RBM45: variants seen among roughly 807,000 people sequenced by gnomAD.
RBM45 encodes the protein RNA binding motif protein 45.
Under a neutral mutation model 58.5 loss-of-function variants are expected in RBM45, and 39 were observed. The observed-to-expected ratio is 0.67, with a 90% confidence interval of 0.52 to 0.87. The LOEUF is 0.87. Among genes scored for constraint, RBM45 ranks in the 40% least tolerant of loss-of-function variants. RBM45 has a pLI of 0.00. For synonymous variants in RBM45, 193 were observed against 203.0 expected, an observed-to-expected ratio of 0.95 and a Z score of 0.42; for missense variants, 481 against 581.6, an observed-to-expected ratio of 0.83 and a Z score of 1.78.
chr2:178,113,659 A>G (rs1442721173), intron 1 of RBM45, among the ~76,000 whole-genome samples: 1 of 152,184 alleles, frequency 6.6e-6, no homozygotes, highest in Non-Finnish European at 1.5e-5. Flanking sequence ...ACACAGGGTA[A>G]GCCCTCAATA....
chr2:178,134,061 C>T (rs534901151), downstream of RBM45, among the ~76,000 whole-genome samples: 7 of 152,240 alleles, frequency 4.6e-5, no homozygotes, highest in South Asian at 2.1e-4. Flanking sequence ...TTACGAGGCC[C>T]TGTGAAAATT....
At position 178,120,364 on chromosome 2, in the gene RBM45, C is replaced by A. The variant is rs778965916; in HGVS notation, c.628C>A (p.Gln210Lys). 1 of 1,613,018 alleles carries A rather than the reference C, an allele frequency of 6.2e-7. No individual in the cohort carries two copies. The highest frequency in any genetic ancestry group is 8.5e-7 in the Non-Finnish European group (1 of 1,179,430). Residue 210 changes from glutamine to lysine, a missense_variant, in exon 4 of 10, where the codon CAA becomes AAA. Transcript: ENST00000286070. Reference protein sequence around the residue: ...SEQDYYSNMRQEALGHEPRVN... With the variant: ...SEQDYYSNMRKEALGHEPRVN... ...ACAAGATTATTATAGTAATATGAGG[C>A]AAGAAGCTTTGGGACATGAACCTAG... is the stretch of plus-strand genomic sequence containing the variant.
downstream of RBM45, among the ~76,000 whole-genome samples, chr2:178,132,774 G>C (rs1036557544): frequency 1.3e-5 from 2 of 152,130 alleles, no homozygotes; most frequent in Non-Finnish European, 2.9e-5. Context: ...ATTTTTAGTA[G>C]AGACAGTTTC....
rs775417979 is a variant in RBM45, at chr2:178,120,380, A to G, written c.644A>G (p.His215Arg). ...AATATGAGGCAAGAAGCTTTGGGAC[A>G]TGAACCTAGAGTAAATATGTTTCCA... The part of the protein sequence containing the change: ...YSNMRQEALG[H>R]EPRVNMFPFE... The change falls in exon 4 of 10, where the codon CAT becomes CGT. Residue 215 changes from histidine (H) to arginine (R), a missense_variant. Coordinates refer to ENST00000286070, the MANE Select transcript of RBM45 (RefSeq NM_152945.4). 7 of 1,612,918 alleles carry G rather than the reference A, an allele frequency of 4.3e-6. No homozygotes were observed. The highest frequency in any genetic ancestry group is 5.1e-6 in the Non-Finnish European group (6 of 1,179,448).
In RBM45 at chr2:178,126,051, G is replaced by T; in HGVS notation, c.1300G>T (p.Asp434Tyr). ...AAATGTGGGGTATGCCAAGTATGCCGATAGAATAAGTGCTAATGATGCCAT... is the reference window on the plus strand; with the variant it reads ...AAATGTGGGGTATGCCAAGTATGCCTATAGAATAAGTGCTAATGATGCCAT... ...GKNVGYAKYA[D>Y]RISANDAIAT... Residue 434 changes from aspartate (D) to tyrosine (Y), a missense_variant, in exon 9 of 10, where the codon GAT becomes TAT. Transcript: ENST00000286070. 1.9e-6 allele frequency: 3 copies of T among 1,613,848 alleles called. No homozygotes were observed. Among genetic ancestry groups the T allele is most frequent in the Non-Finnish European group, 2.5e-6 (3 of 1,179,782 alleles).
rs1170439254 is a variant in RBM45, at chr2:178,129,523, T to G, written c.*135T>G. On this transcript the variant is annotated 3_prime_UTR_variant, in exon 10 of 10. Coordinates refer to ENST00000286070, the MANE Select transcript of RBM45 (RefSeq NM_152945.4). ...CTGATAGTCTGTGTACAGCATTGTTTTGTCTGGGAAGCAGGGATTGCTGAC... is the reference window on the plus strand; with the variant it reads ...CTGATAGTCTGTGTACAGCATTGTTGTGTCTGGGAAGCAGGGATTGCTGAC... The G allele has an allele frequency of 6.5e-6, 1 of 152,678 alleles. No homozygotes were observed. Among genetic ancestry groups the G allele is most frequent in the African/African-American group, 2.4e-5 (1 of 41,462 alleles). 9.5% of individuals were successfully genotyped at this position (152,678 alleles called of 1,614,324 possible). A position where few individuals can be genotyped will look rare whatever the true frequency, so the allele number is the denominator to read the frequency against.
At position 178,112,879 on chromosome 2, in the gene RBM45, G is replaced by A. The variant is rs764101614; in HGVS notation, c.300+33G>A. 3.8e-6 allele frequency: 6 copies of A among 1,590,456 alleles called. No individual in the cohort carries two copies. In the South Asian group the frequency reaches 4.5e-5, roughly 12 times the overall value. ...TGCCCGGGTCGGGGTGCCCTCGGGG[G>A]AAGGAGTGGGCCTCTTGGACCTCCC... On this transcript the variant is annotated intron_variant, in intron 1 of 9. Coordinates refer to ENST00000286070, the MANE Select transcript of RBM45 (RefSeq NM_152945.4).
At chr2:178,115,851 C>G (rs554410365) in intron 1 of RBM45, among the ~76,000 whole-genome samples, 1 of 152,152 alleles carries the variant, frequency 6.6e-6, no homozygotes, top group Non-Finnish European at 1.5e-5. Flanking sequence ...GGTATTATCT[C>G]ATAAAAAAAA....
At chr2:178,128,216 C>A (rs1003492902) in intron 9 of RBM45, among the ~76,000 whole-genome samples, 2 of 151,642 alleles carry the variant, frequency 1.3e-5, no homozygotes, top group African/African-American at 4.8e-5. Context: ...CCCAGGCTGG[C>A]CTTGAACTCC....
intron 1 of RBM45, among the ~76,000 whole-genome samples, chr2:178,114,461 C>G (rs2087744668): frequency 6.6e-6 from 1 of 152,154 alleles, no homozygotes; most frequent in Non-Finnish European, 1.5e-5. Flanking sequence ...CTTTTAGCCT[C>G]AGAGAAATTA....
intron 3 of RBM45, 41 bp downstream of exon 3, chr2:178,118,222 A>C (rs1478343762): frequency 1.9e-6 from 3 of 1,544,762 alleles, no homozygotes; most frequent in Non-Finnish European, 2.6e-6. Context: ...TTTGTAAAAA[A>C]TTCTGATTAT....
downstream of RBM45, chr2:178,129,670 A>G (rs756535849): frequency 1.3e-5 from 2 of 152,674 alleles, no homozygotes; most frequent in Non-Finnish European, 2.9e-5. Flanking sequence ...TGACTTATTT[A>G]TGTGAAAGAC....
At chr2:178,117,065 A>C (rs1574408517) in intron 2 of RBM45, among the ~76,000 whole-genome samples, 1 of 152,188 alleles carries the variant, frequency 6.6e-6, no homozygotes, top group Admixed American at 6.5e-5. Flanking sequence ...AATTATTAAA[A>C]AGCAATTTTT....
chr2:178,137,301 G>A (rs1004727863), exon 4 of RBM45: 2 of 152,138 alleles, frequency 1.3e-5, no homozygotes, highest in South Asian at 2.1e-4. Context: ...TGGCTCAACC[G>A]CTTGGGAAAA....
intron 6 of RBM45, 21 bp downstream of exon 6, chr2:178,123,672 G>A: frequency 1.3e-6 from 2 of 1,590,956 alleles, no homozygotes; most frequent in Non-Finnish European, 1.7e-6. Context: ...TTCCAGGAGT[G>A]TCTAAAGCCG....
At chr2:178,128,563 A>C (rs2087965563) in intron 9 of RBM45, among the ~76,000 whole-genome samples, 1 of 152,032 alleles carries the variant, frequency 6.6e-6, no homozygotes, top group South Asian at 2.1e-4. Context: ...TTTCCCTTAA[A>C]CTCATCCAAT....
In RBM45 at chr2:178,120,272, A is replaced by G; in HGVS notation, c.551-15A>G. 2 of 1,611,822 alleles carry G rather than the reference A, an allele frequency of 1.2e-6. No individual in the cohort carries two copies. The highest frequency in any genetic ancestry group is 1.7e-6 in the Non-Finnish European group (2 of 1,179,186). ...AAATTTGCTGTGAAACTTGAAATTC[A>G]TGGGGTTTTTTCAGGTTTTAGAGCA... On this transcript the variant is annotated splice_polypyrimidine_tract_variant and intron_variant, in intron 3 of 9. Coordinates refer to ENST00000286070, the MANE Select transcript of RBM45 (RefSeq NM_152945.4).
chr2:178,137,753 T>C (rs921675181), exon 4 of RBM45: 4 of 152,208 alleles, frequency 2.6e-5, no homozygotes, highest in Non-Finnish European at 5.9e-5. Context: ...TTTTGAGCTG[T>C]ACTCTATGGA....
chr2:178,130,973 G>A (rs2087999609), downstream of RBM45, among the ~76,000 whole-genome samples: 3 of 152,232 alleles, frequency 2.0e-5, no homozygotes, highest in South Asian at 6.2e-4. Context: ...GCTGGGTGCA[G>A]TGGCGCGACT....
Sources: gnomAD v4.1 joint callset for allele counts (sites outside exome capture counted in the v4.1 genomes callset) on GRCh38, gnomAD v4.1.1 for gene constraint, MANE v1.5 for transcripts, NCBI Gene and HGNC (gene_info 2026-07-23, HGNC 2026-07-21) for gene names.